The following PTDSS1 variants were observed in gnomAD, a reference collection of about 807,000 sequenced individuals.
PTDSS1 encodes phosphatidylserine synthase 1.
In PTDSS1, 45 loss-of-function variants were observed where a neutral mutation model predicts 70.5. The observed-to-expected ratio is 0.64, with a 90% CI of 0.50 to 0.82. PTDSS1 has a LOEUF of 0.82. Among genes scored for constraint, PTDSS1 ranks in the 40% least tolerant of loss-of-function variants. The pLI, the probability that PTDSS1 is intolerant of heterozygous loss-of-function variation, is 0.00. For synonymous variants in PTDSS1, 188 were observed against 203.8 expected (o/e 0.92, Z 0.66); for missense variants, 417 against 586.1 (o/e 0.71, Z 2.98).
Position 96,262,308 on chromosome 8 carries a change from T to A in PTDSS1, c.179+89T>A. 6.9e-7 allele frequency: 1 copy of A among 1,450,328 alleles called. No individual in the cohort carries two copies. The highest frequency in any genetic ancestry group is 9.3e-7 in the Non-Finnish European group (1 of 1,070,246). The allele number at this position is 1,450,328 out of a possible 1,614,324, so 89.8% of individuals were successfully genotyped here. A position where few individuals can be genotyped will look rare whatever the true frequency, so the allele number is the denominator to read the frequency against. ...GGCGGGGAGGGGGGCCCGGCATGGCTCTGGGTGAGGAAGTGGGCTGGCTGC... is the reference window on the plus strand; with the variant it reads ...GGCGGGGAGGGGGGCCCGGCATGGCACTGGGTGAGGAAGTGGGCTGGCTGC... On this transcript the variant is annotated intron_variant, in intron 1 of 12. Coordinates refer to ENST00000517309, the MANE Select transcript of PTDSS1 (RefSeq NM_014754.3). This position sits in a 1 kb window ranked among gnomAD's most constrained non-coding sequence, Gnocchi z 4.4.
At position 96,293,494 on chromosome 8, in the gene PTDSS1, G is replaced by T. The variant is rs547360040; in HGVS notation, c.442-1604G>T. Among the ~76,000 whole-genome samples, 3 of 152,376 alleles carry T rather than the reference G, an allele frequency of 2.0e-5. No homozygotes were observed. In the East Asian group the frequency reaches 5.8e-4, roughly 29 times the overall value. ...CAGCTCTACACTGTCTTCAGTTAAA[G>T]CCTGTTCCTCCTGGTTCCCAGGGTT... On this transcript the variant is annotated intron_variant, in intron 4 of 12. Transcript: ENST00000517309.
At chr8:96,321,821 T>G (rs1319648735) in intron 10 of PTDSS1, among the ~76,000 whole-genome samples, 1 of 152,228 alleles carries the variant, frequency 6.6e-6, no homozygotes, top group East Asian at 1.9e-4. Context: ...CTGTTTCATC[T>G]TGAACAATAA....
Position 96,262,341 on chromosome 8 carries a change from A to G in PTDSS1, c.179+122A>G. 7.9e-7 allele frequency: 1 copy of G among 1,270,236 alleles called. No individual in the cohort carries two copies. The highest frequency in any genetic ancestry group is 1.5e-5 in the African/African-American group (1 of 65,942). The allele number at this position is 1,270,236 out of a possible 1,614,324, so 78.7% of individuals were successfully genotyped here. ...AGGAAGTGGGCTGGCTGCTCCACGC[A>G]CACGCACTGGCAGCCCGCCGCCCAC... On this transcript the variant is annotated intron_variant, in intron 1 of 12. Coordinates refer to ENST00000517309, the MANE Select transcript of PTDSS1 (RefSeq NM_014754.3). This position sits in a 1 kb window ranked among gnomAD's most constrained non-coding sequence, Gnocchi z 4.4.
At chr8:96,328,576 G>C (rs1811470314) in intron 10 of PTDSS1, among the ~76,000 whole-genome samples, 1 of 152,230 alleles carries the variant, frequency 6.6e-6, no homozygotes, top group Admixed American at 6.5e-5. Flanking sequence ...AAATGAACCA[G>C]TGGCGCTGCT....
intron 9 of PTDSS1, among the ~76,000 whole-genome samples, chr8:96,314,447 TCC>T (rs1471737455): frequency 6.6e-6 from 1 of 152,110 alleles, no homozygotes; most frequent in Admixed American, 6.5e-5. Context: ...GGGGGTCCCT[TCC>T]CAGCACAGGG....
At chr8:96,321,393 G>T (rs565632978) in intron 10 of PTDSS1, among the ~76,000 whole-genome samples, 1 of 152,276 alleles carries the variant, frequency 6.6e-6, no homozygotes, top group Admixed American at 6.5e-5. Flanking sequence ...CTTAAAGGTT[G>T]TATTTGTTTA....
intron 12 of PTDSS1, among the ~76,000 whole-genome samples, chr8:96,331,734 C>T (rs1283953590): frequency 6.6e-6 from 1 of 151,908 alleles, no homozygotes; most frequent in Non-Finnish European, 1.5e-5. Flanking sequence ...TTCCTCTTGG[C>T]TTCCATCATG....
At chr8:96,311,824 G>A (rs527410478) in intron 9 of PTDSS1, among the ~76,000 whole-genome samples, 6 of 152,308 alleles carry the variant, frequency 3.9e-5, no homozygotes, top group South Asian at 2.1e-4. Flanking sequence ...CAGAGGTGGC[G>A]CTCCCGCTTC....
intron 2 of PTDSS1, among the ~76,000 whole-genome samples, chr8:96,279,650 C>G (rs536731770): frequency 6.6e-6 from 1 of 151,984 alleles, no homozygotes; most frequent in East Asian, 1.9e-4. Flanking sequence ...GAAACCTTGT[C>G]TCTACTGAAA....
chr8:96,285,033 CAA>C (rs1810801981), intron 3 of PTDSS1, among the ~76,000 whole-genome samples: 1 of 152,132 alleles, frequency 6.6e-6, no homozygotes, highest in African/African-American at 2.4e-5. Flanking sequence ...CACTTGGAGA[CAA>C]AGGACAGCTA....
rs1447871096 is a variant in PTDSS1, at chr8:96,334,852, A to T, written c.*1286A>T. The T allele has an allele frequency of 6.6e-6, 1 of 152,208 alleles. No individual in the cohort carries two copies. The highest frequency in any genetic ancestry group is 1.5e-5 in the Non-Finnish European group (1 of 68,030). 9.4% of individuals were successfully genotyped at this position (152,208 alleles called of 1,614,324 possible). On this transcript the variant is annotated 3_prime_UTR_variant, in exon 13 of 13. Transcript: ENST00000517309. ...CAGTACCCAGTTGATTAGCTTACAG[A>T]TATCAACTCACTGAAAGTAATCTTT...
At chr8:96,271,511 T>G (rs1216246631) in intron 1 of PTDSS1, among the ~76,000 whole-genome samples, 3 of 152,212 alleles carry the variant, frequency 2.0e-5, no homozygotes, top group African/African-American at 7.2e-5. Flanking sequence ...GTGAACAATC[T>G]GGGATATATG....
intron 9 of PTDSS1, among the ~76,000 whole-genome samples, chr8:96,310,673 G>A (rs1811198215): frequency 6.6e-6 from 1 of 152,000 alleles, no homozygotes; most frequent in Non-Finnish European, 1.5e-5. Context: ...TGGAACAGCT[G>A]CTTGCTATAT....
At chr8:96,309,691 C>T (rs1811179337) in intron 9 of PTDSS1, 69 bp downstream of exon 9, 1 of 1,514,484 alleles carries the variant, frequency 6.6e-7, no homozygotes, top group Non-Finnish European at 9.2e-7. Flanking sequence ...TATTTCTTGA[C>T]CCTGTGTTAA....
chr8:96,332,213 A>G (rs1027756572), intron 12 of PTDSS1, among the ~76,000 whole-genome samples: 2 of 152,126 alleles, frequency 1.3e-5, no homozygotes, highest in Non-Finnish European at 2.9e-5. Context: ...GGTTATTTCA[A>G]AGAATTAGAC....
At chr8:96,328,364 T>C (rs923188219) in intron 10 of PTDSS1, among the ~76,000 whole-genome samples, 5 of 152,230 alleles carry the variant, frequency 3.3e-5, no homozygotes, top group Admixed American at 1.3e-4. Flanking sequence ...TTCCCACTCT[T>C]TCCATGCCAT....
chr8:96,318,394 T>C (rs1460422892), intron 9 of PTDSS1, among the ~76,000 whole-genome samples: 2 of 152,138 alleles, frequency 1.3e-5, no homozygotes, highest in African/African-American at 2.4e-5. Flanking sequence ...CTCAGGGTGT[T>C]CTGTCCGGCT....
intron 1 of PTDSS1, among the ~76,000 whole-genome samples, chr8:96,267,797 C>T (rs1379385383): frequency 6.6e-6 from 1 of 152,108 alleles, no homozygotes; most frequent in Non-Finnish European, 1.5e-5. Context: ...GCACACCCAA[C>T]ACCCAACACC....
chr8:96,313,352 G>T (rs948595202), intron 9 of PTDSS1, among the ~76,000 whole-genome samples: 2 of 152,140 alleles, frequency 1.3e-5, no homozygotes, highest in Admixed American at 1.3e-4. Flanking sequence ...TGGAAAGGTC[G>T]GCTGTTTCTC....
Sources: gnomAD v4.1 joint callset for allele counts (sites outside exome capture counted in the v4.1 genomes callset) on GRCh38, gnomAD v4.1.1 for gene constraint, Gnocchi (gnomAD v3.1) non-coding constraint, MANE v1.5 for transcripts, NCBI Gene and HGNC (gene_info 2026-07-23, HGNC 2026-07-21) for gene names.